The following WDR27 variants were observed in gnomAD, a reference collection of about 807,000 sequenced individuals.
WDR27 encodes the protein WD repeat domain 27.
In WDR27, 100 loss-of-function variants were observed where a neutral mutation model predicts 114.4. The observed-to-expected ratio is 0.87, with a 90% CI of 0.74 to 1.03. WDR27 has a LOEUF of 1.03. WDR27 is among the 50% of genes least tolerant of loss of function. The pLI, the probability that WDR27 is intolerant of heterozygous loss-of-function variation, is 0.00. For synonymous variants in WDR27, 449 were observed against 423.1 expected (o/e 1.06, Z -0.75); for missense variants, 1,129 against 1,092.9 (o/e 1.03, Z -0.47).
chr6:169,691,848 G>A (rs1000788416), intron 1 of WDR27, among the ~76,000 whole-genome samples: 3 of 152,128 alleles, frequency 2.0e-5, no homozygotes, highest in East Asian at 1.9e-4. Context: ...GCAAGAAGAC[G>A]GCAGCTAGGA....
At chr6:169,598,843 T>C (rs1043668684) in intron 23 of WDR27, among the ~76,000 whole-genome samples, 14 of 152,224 alleles carry the variant, frequency 9.2e-5, no homozygotes, top group African/African-American at 3.4e-4. Flanking sequence ...TGTCTATTTT[T>C]TTAACCCTTT....
chr6:169,531,914 T>C (rs920339975), intron 25 of WDR27, among the ~76,000 whole-genome samples: 4 of 152,170 alleles, frequency 2.6e-5, no homozygotes, highest in African/African-American at 9.7e-5. Flanking sequence ...TTATTCTCCA[T>C]GTAGCTTTGT....
downstream of WDR27, among the ~76,000 whole-genome samples, chr6:169,455,905 T>G (rs968314917): frequency 1.3e-5 from 2 of 151,920 alleles, no homozygotes; most frequent in African/African-American, 4.8e-5. Context: ...GTTTTCTTCT[T>G]TGACATTTAT....
intron 25 of WDR27, among the ~76,000 whole-genome samples, chr6:169,548,743 C>G (rs2128100739): frequency 6.6e-6 from 1 of 152,178 alleles, no homozygotes; most frequent in Middle Eastern, 3.4e-3. Flanking sequence ...CAGAAATAGA[C>G]CCACATAAAT....
chr6:169,481,988 G>A (rs1011828985), intron 25 of WDR27, among the ~76,000 whole-genome samples: 1 of 152,188 alleles, frequency 6.6e-6, no homozygotes, highest in African/African-American at 2.4e-5. Flanking sequence ...AGTGTCTGTT[G>A]TTTCCCTCTA....
At chr6:169,464,507 G>A (rs895012870) in intron 25 of WDR27, among the ~76,000 whole-genome samples, 4 of 152,106 alleles carry the variant, frequency 2.6e-5, no homozygotes, top group Non-Finnish European at 5.9e-5. Flanking sequence ...AAAGGCCCAG[G>A]CAATCAGAGA....
chr6:169,481,970 T>C (rs1224744662), intron 25 of WDR27, among the ~76,000 whole-genome samples: 1 of 152,216 alleles, frequency 6.6e-6, no homozygotes, highest in Admixed American at 6.5e-5. Flanking sequence ...TACTGTTGAG[T>C]ACATCCCAGT....
At position 169,481,941 on chromosome 6, in the gene WDR27, C is replaced by T. The variant is rs547564552; in HGVS notation, c.2646-24307G>A. On this transcript the variant is annotated intron_variant, in intron 25 of 25. Coordinates refer to ENST00000448612, the MANE Select transcript of WDR27 (RefSeq NM_182552.5). Reference sequence around the variant, plus strand: ...AGGCAGACCAAGAACACACCAATTCCGGACACATTTTCACCCCCTACTGTT... The same window carrying T: ...AGGCAGACCAAGAACACACCAATTCTGGACACATTTTCACCCCCTACTGTT... 7.9e-5 allele frequency among the ~76,000 whole-genome samples: 12 copies of T among 152,316 alleles called. No homozygotes were observed. The South Asian group carries it at 8.3e-4, about 11-fold the overall frequency.
chr6:169,606,533 A>G (rs1809223218), intron 22 of WDR27, among the ~76,000 whole-genome samples: 1 of 152,144 alleles, frequency 6.6e-6, no homozygotes, highest in Admixed American at 6.5e-5. Context: ...CTCATTGTTC[A>G]GCTCCCACTT....
chr6:169,656,331 G>A (rs1824180899), intron 13 of WDR27, among the ~76,000 whole-genome samples: 1 of 152,168 alleles, frequency 6.6e-6, no homozygotes, highest in Admixed American at 6.5e-5. Context: ...TCCCGTCTGT[G>A]GATTCATCCG....
chr6:169,696,144 C>T (rs1010906843), intron 1 of WDR27, among the ~76,000 whole-genome samples: 1 of 152,184 alleles, frequency 6.6e-6, no homozygotes, highest in Non-Finnish European at 1.5e-5. Context: ...AATACAAGTG[C>T]CTACAAAATG....
chr6:169,430,283 G>A, the WDR27 span, among the ~76,000 whole-genome samples: 1 of 152,226 alleles, frequency 6.6e-6, no homozygotes, highest in South Asian at 2.1e-4. Context: ...GCAAGGGAAG[G>A]CCAGGCAGCC....
intron 21 of WDR27, among the ~76,000 whole-genome samples, chr6:169,631,622 C>T (rs1487908600): frequency 6.6e-6 from 1 of 152,176 alleles, no homozygotes; most frequent in Admixed American, 6.5e-5. Context: ...ATCTGCCTCT[C>T]TGAAGAGCCA....
chr6:169,466,038 A>G (rs1047056577), intron 25 of WDR27, among the ~76,000 whole-genome samples: 7 of 152,246 alleles, frequency 4.6e-5, no homozygotes, highest in South Asian at 2.1e-4. Context: ...TTTTACCACA[A>G]TAGAAAATTG....
At chr6:169,553,207 C>T (rs999610268) in intron 25 of WDR27, among the ~76,000 whole-genome samples, 1 of 152,044 alleles carries the variant, frequency 6.6e-6, no homozygotes, top group African/African-American at 2.4e-5. Flanking sequence ...TTTCAGGCAG[C>T]ACCAGAGTCC....
intron 25 of WDR27, among the ~76,000 whole-genome samples, chr6:169,563,137 G>C (rs966204174): frequency 6.6e-6 from 1 of 152,094 alleles, no homozygotes; most frequent in Non-Finnish European, 1.5e-5. Flanking sequence ...AGAGAAACCC[G>C]CACATGGAGA....
chr6:169,663,833 C>T (rs547076650), intron 8 of WDR27: 141 of 306,218 alleles, frequency 4.6e-4, no homozygotes, highest in Non-Finnish European at 3.0e-4. Flanking sequence ...CTGAGTCATG[C>T]AGTGTACCTT....
chr6:169,460,087 A>G (rs539804165), intron 25 of WDR27, among the ~76,000 whole-genome samples: 2 of 152,324 alleles, frequency 1.3e-5, no homozygotes, highest in East Asian at 3.9e-4. Flanking sequence ...GCAACACTGT[A>G]TAACTCCACT....
intron 23 of WDR27, among the ~76,000 whole-genome samples, chr6:169,600,524 G>C (rs770182799): frequency 5.3e-5 from 8 of 152,154 alleles, no homozygotes; most frequent in Non-Finnish European, 7.3e-5. Flanking sequence ...CCGAGCTAAA[G>C]GAGGAAGTTC....
Sources: gnomAD v4.1 joint callset for allele counts (sites outside exome capture counted in the v4.1 genomes callset) on GRCh38, gnomAD v4.1.1 for gene constraint, MANE v1.5 for transcripts, NCBI Gene and HGNC (gene_info 2026-07-23, HGNC 2026-07-21) for gene names.